The following PAH variants were observed in gnomAD, a reference collection of about 807,000 sequenced individuals.
PAH encodes phenylalanine-4-hydroxylase.
PAH carries 64 observed loss-of-function variants against 62.0 expected under a neutral mutation model. That is an observed-to-expected ratio of 1.03 (90% CI 0.84 to 1.27). The LOEUF is 1.27. Among genes scored for constraint, PAH ranks in the 50% most tolerant of loss-of-function variants. PAH has a pLI of 0.00. For missense variants in PAH, 579 were observed against 542.8 expected (o/e 1.07, Z -0.66); for synonymous variants, 195 against 196.2 (o/e 0.99, Z 0.05).
intron 2 of PAH, among the ~76,000 whole-genome samples, chr12:102,903,088 C>T (rs561252071): frequency 3.3e-5 from 5 of 152,290 alleles, no homozygotes; most frequent in East Asian, 3.9e-4. Flanking sequence ...GGGCTGGGCA[C>T]GGTGGCTCAC....
intron 4 of PAH, among the ~76,000 whole-genome samples, chr12:102,875,624 G>A (rs1876529724): frequency 6.6e-6 from 1 of 152,184 alleles, no homozygotes; most frequent in Admixed American, 6.5e-5. Flanking sequence ...CTGGGAGTAG[G>A]CTACATGGTA....
chr12:102,934,018 G>T (rs73173956), intron 1 of PAH, among the ~76,000 whole-genome samples: 4,853 of 152,064 alleles, frequency 0.032, 117 homozygotes, highest in Non-Finnish European at 0.049. Context: ...TCTTTGCCCA[G>T]TTCAATGTTC....
At chr12:102,878,436 G>A (rs1351365430) in intron 3 of PAH, among the ~76,000 whole-genome samples, 1 of 152,140 alleles carries the variant, frequency 6.6e-6, no homozygotes, top group Non-Finnish European at 1.5e-5. Context: ...CCTGGGTCTT[G>A]CAGAGAGAGG....
At chr12:102,862,081 C>T (rs545899250) in intron 5 of PAH, among the ~76,000 whole-genome samples, 31 of 152,076 alleles carry the variant, frequency 2.0e-4, no homozygotes, top group Non-Finnish European at 4.3e-4. Flanking sequence ...ATAAATCATT[C>T]TATCATAAAG....
At chr12:102,899,004 G>GGA (rs1274209771) in intron 2 of PAH, among the ~76,000 whole-genome samples, 1 of 152,140 alleles carries the variant, frequency 6.6e-6, no homozygotes, top group African/African-American at 2.4e-5. Context: ...ACCCCACTAG[G>GGA]GAGAGAGAGA....
rs62517181 is a variant in PAH at position 102,852,864 on chromosome 12, A to G, written c.793T>C (p.Cys265Arg). Residue 265 changes from cysteine to arginine, a missense_variant, in exon 7 of 13, where the codon TGC becomes CGC. Coordinates refer to ENST00000553106, the MANE Select transcript of PAH (RefSeq NM_000277.3). Reference sequence around the variant, plus strand: ...GATCCATGTCTGATGTACTGTGTGCAGTGGAAGACTCGGAAGGCCAGGCCA... The same window carrying G: ...GATCCATGTCTGATGTACTGTGTGCGGTGGAAGACTCGGAAGGCCAGGCCA... Reference protein sequence around the residue: ...LGGLAFRVFHCTQYIRHGSKP... With the variant: ...LGGLAFRVFHRTQYIRHGSKP... 6.2e-7 allele frequency: 1 copy of G among 1,614,010 alleles called. No individual in the cohort carries two copies. Among genetic ancestry groups the G allele is most frequent in the Non-Finnish European group, 8.5e-7 (1 of 1,180,022 alleles).
intron 3 of PAH, among the ~76,000 whole-genome samples, chr12:102,877,998 G>A (rs1024873121): frequency 1.3e-5 from 2 of 152,098 alleles, no homozygotes; most frequent in African/African-American, 4.8e-5. Context: ...CCCAATTTTT[G>A]TAGTTTAGGT....
chr12:102,878,333 GA>G (rs1876664960), intron 3 of PAH, among the ~76,000 whole-genome samples: 2 of 152,152 alleles, frequency 1.3e-5, no homozygotes, highest in Admixed American at 1.3e-4. Context: ...GTTGGGATCT[GA>G]AGATGCCTTG....
In PAH at chr12:102,877,461, C is replaced by G. The variant is rs62517166; in HGVS notation, c.441+1G>C. 6.2e-7 allele frequency: 1 copy of G among 1,611,650 alleles called. No individual in the cohort carries two copies. Among genetic ancestry groups the G allele is most frequent in the Non-Finnish European group, 8.5e-7 (1 of 1,177,792 alleles). ...TCTCATCCTACGGGCCATGGACTCA[C>G]AGGGTGGTCAGCATCCAGTTCCGCT... On this transcript the variant is annotated splice_donor_variant, in intron 4 of 12. Transcript: ENST00000553106. LOFTEE classifies it high-confidence loss of function.
At chr12:102,936,532 A>G (rs1010572990) in intron 1 of PAH, among the ~76,000 whole-genome samples, 4 of 152,110 alleles carry the variant, frequency 2.6e-5, no homozygotes, top group Non-Finnish European at 4.4e-5. Context: ...TTTAGCTCTA[A>G]TAATATTTGC....
chr12:102,904,832 C>T (rs1344899294), intron 2 of PAH: 10 of 396,268 alleles, frequency 2.5e-5, no homozygotes, highest in Non-Finnish European at 3.1e-5. Context: ...ACACCACAGT[C>T]CCCCTGCTCT....
At chr12:102,944,876 C>A (rs1879432418) in intron 1 of PAH, among the ~76,000 whole-genome samples, 1 of 152,284 alleles carries the variant, frequency 6.6e-6, no homozygotes, top group Non-Finnish European at 1.5e-5. Flanking sequence ...ACCATCTGGG[C>A]TTGTTTGTAG....
At chr12:102,883,837 AT>A (rs903949115) in intron 3 of PAH, among the ~76,000 whole-genome samples, 4 of 152,146 alleles carry the variant, frequency 2.6e-5, no homozygotes, top group Non-Finnish European at 5.9e-5. Flanking sequence ...CCTAGCTCCA[AT>A]CTCTACTTTG....
intron 1 of PAH, chr12:102,958,047 C>CT: frequency 2.4e-6 from 1 of 410,668 alleles, no homozygotes; most frequent in Non-Finnish European, 4.2e-6. Flanking sequence ...AGCATTTTCA[C>CT]TTTTTTTGCT....
chr12:102,861,968 A>T (rs867946292), intron 5 of PAH, among the ~76,000 whole-genome samples: 3 of 131,510 alleles, frequency 2.3e-5, no homozygotes, highest in African/African-American at 1.2e-4. Flanking sequence ...TTAAAGTATA[A>T]AAAAAAAAAA....
At chr12:102,844,574 A>T in intron 9 of PAH, 143 bp from the exon 10 acceptor site, 1 of 703,638 alleles carries the variant, frequency 1.4e-6, no homozygotes, top group Non-Finnish European at 2.6e-6. Flanking sequence ...TCTGGAGGGG[A>T]TTGGCATGTG....
At chr12:102,875,052 C>T (rs1280771599) in intron 4 of PAH, among the ~76,000 whole-genome samples, 1 of 152,156 alleles carries the variant, frequency 6.6e-6, no homozygotes, top group Non-Finnish European at 1.5e-5. Context: ...CTGTGGGCCC[C>T]GGGGTCTCTG....
rs1441773929 is a variant in PAH, at chr12:102,957,109, G to A, written c.-96+1086C>T. Among the ~76,000 whole-genome samples, 1 of 151,836 alleles carries A rather than the reference G, an allele frequency of 6.6e-6. No homozygotes were observed. Among genetic ancestry groups the A allele is most frequent in the African/African-American group, 2.4e-5 (1 of 41,300 alleles). ...AATCGTAATTTGCTCCAATTTCTAG[G>A]GTCACCGAGGAACCCGAAGAGAATA... On this transcript the variant is annotated intron_variant, in intron 1 of 4. Coordinates refer to the PAH transcript ENST00000551337. This position sits in a 1 kb window ranked among gnomAD's most constrained non-coding sequence, Gnocchi z 4.1.
intron 2 of PAH, among the ~76,000 whole-genome samples, chr12:102,908,235 C>T (rs913409500): frequency 6.6e-6 from 1 of 151,646 alleles, no homozygotes; most frequent in Admixed American, 6.6e-5. Flanking sequence ...CACACACACA[C>T]ACACACACAC....
Sources: allele counts gnomAD v4.1 joint callset (sites outside exome capture counted in the v4.1 genomes callset), GRCh38; gene constraint gnomAD v4.1.1; non-coding constraint Gnocchi (gnomAD v3.1); transcripts MANE v1.5; gene names NCBI Gene and HGNC (gene_info 2026-07-23, HGNC 2026-07-21).